Variants in FAM169A observed in about 807,000 individuals in gnomAD.
The protein encoded by FAM169A is soluble lamin-associated protein of 75 kDa.
In FAM169A, 24 loss-of-function variants were observed where a neutral mutation model predicts 75.7. That is an observed-to-expected ratio of 0.32 (90% CI 0.23 to 0.45). The LOEUF is 0.45. Ranked by LOEUF, FAM169A falls within the 20% of genes least tolerant of loss-of-function variation. The pLI is 1.00. For missense variants in FAM169A, 673 were observed against 784.0 expected (o/e 0.86, Z 1.69); for synonymous variants, 271 against 271.0 (o/e 1.00, Z 0.00).
chr5:74,849,688 T>C (rs932618527), intron 1 of FAM169A, among the ~76,000 whole-genome samples: 2 of 152,130 alleles, frequency 1.3e-5, no homozygotes, highest in African/African-American at 4.8e-5. Flanking sequence ...TTTCCTTCCC[T>C]AATTAACCTG....
At chr5:74,797,527 T>A (rs1280425025) in intron 10 of FAM169A, among the ~76,000 whole-genome samples, 7 of 152,170 alleles carry the variant, frequency 4.6e-5, no homozygotes, top group Admixed American at 4.6e-4. Context: ...CTTAGCAACA[T>A]CCCTCCTAGC....
In FAM169A at chr5:74,778,976, T is replaced by C. The variant is rs1745267400; in HGVS notation, c.*2484A>G. ...TGAAGATAAATTGTGGTATAAATTC[T>C]ATACTCAAGTTACTGAACATGAGAG... On this transcript the variant is annotated 3_prime_UTR_variant, in exon 13 of 13. Transcript: ENST00000687041. 6.6e-6 allele frequency: 1 copy of C among 152,150 alleles called. No homozygotes were observed. The highest frequency in any genetic ancestry group is 2.1e-4 in the South Asian group (1 of 4,834). The allele number at this position is 152,150 out of a possible 1,614,324, so 9.4% of individuals were successfully genotyped here. A position where few individuals can be genotyped will look rare whatever the true frequency, so the allele number is the denominator to read the frequency against.
At chr5:74,858,061 T>C (rs1304344607) in intron 1 of FAM169A, among the ~76,000 whole-genome samples, 2 of 152,016 alleles carry the variant, frequency 1.3e-5, no homozygotes, top group Non-Finnish European at 2.9e-5. Context: ...ATGTCTACAA[T>C]TTGGGTACTT....
At chr5:74,840,320 A>G (rs534870201) in intron 2 of FAM169A, 147 bp from the exon 3 acceptor site, 14 of 449,772 alleles carry the variant, frequency 3.1e-5, no homozygotes, top group African/African-American at 2.2e-4. Flanking sequence ...CTAAAAAAAG[A>G]GTAAATCAGA....
At chr5:74,821,427 C>T (rs1419087015) in intron 5 of FAM169A, among the ~76,000 whole-genome samples, 4 of 152,210 alleles carry the variant, frequency 2.6e-5, no homozygotes, top group Non-Finnish European at 5.9e-5. Context: ...TATGCCTTCT[C>T]TCCCCTTAAA....
At chr5:74,809,358 G>A (rs1473114656) in intron 6 of FAM169A, among the ~76,000 whole-genome samples, 1 of 152,162 alleles carries the variant, frequency 6.6e-6, no homozygotes, top group East Asian at 1.9e-4. Flanking sequence ...ACTTTGGGAG[G>A]CCGAGGTGGG....
At position 74,780,485 on chromosome 5, in the gene FAM169A, G is replaced by A. The variant is rs1745359525; in HGVS notation, c.*975C>T. On this transcript the variant is annotated 3_prime_UTR_variant, in exon 13 of 13. Coordinates refer to ENST00000687041, the MANE Select transcript of FAM169A (RefSeq NM_001376049.1). Reference sequence around the variant, plus strand: ...GAATATAAATAAGACTGTAGAATTAGGGAGGTGGCAAGATTTAAGGAGATG... The same window carrying A: ...GAATATAAATAAGACTGTAGAATTAAGGAGGTGGCAAGATTTAAGGAGATG... 6.6e-6 allele frequency: 1 copy of A among 152,210 alleles called. No homozygotes were observed. Among genetic ancestry groups the A allele is most frequent in the South Asian group, 2.1e-4 (1 of 4,836 alleles). 9.4% of individuals were successfully genotyped at this position (152,210 alleles called of 1,614,324 possible).
At chr5:74,785,561 A>C (rs1745654651) in intron 11 of FAM169A, among the ~76,000 whole-genome samples, 1 of 152,178 alleles carries the variant, frequency 6.6e-6, no homozygotes, top group African/African-American at 2.4e-5. Context: ...CCAGAGTTCA[A>C]GACCGGACTG....
chr5:74,815,573 AG>A (rs1747428942), intron 5 of FAM169A, among the ~76,000 whole-genome samples: 1 of 152,290 alleles, frequency 6.6e-6, no homozygotes, highest in South Asian at 2.1e-4. Context: ...ATCTTGTCAG[AG>A]GCGTTTGAAC....
chr5:74,790,768 C>T (rs1279357270), intron 11 of FAM169A, among the ~76,000 whole-genome samples: 2 of 152,244 alleles, frequency 1.3e-5, no homozygotes, highest in African/African-American at 4.8e-5. Context: ...GCTAAGGCCA[C>T]TGCTGAGTGC....
intron 1 of FAM169A, among the ~76,000 whole-genome samples, chr5:74,847,460 A>G (rs1465995716): frequency 6.6e-6 from 1 of 152,200 alleles, no homozygotes; most frequent in Admixed American, 6.5e-5. Flanking sequence ...CATGTATCAG[A>G]ATCTCAACTC....
chr5:74,815,231 C>A (rs1347372855), intron 5 of FAM169A, among the ~76,000 whole-genome samples: 2 of 150,896 alleles, frequency 1.3e-5, no homozygotes, highest in African/African-American at 4.9e-5. Context: ...CTCTTGTTGC[C>A]GAGGCTGGAG....
intron 10 of FAM169A, among the ~76,000 whole-genome samples, chr5:74,800,540 T>C (rs1746518769): frequency 6.6e-6 from 1 of 152,040 alleles, no homozygotes; most frequent in South Asian, 2.1e-4. Flanking sequence ...AGTGAGTTTA[T>C]GCCAGTCTCT....
intron 11 of FAM169A, among the ~76,000 whole-genome samples, chr5:74,795,692 A>G (rs1290781103): frequency 2.0e-5 from 3 of 152,196 alleles, no homozygotes; most frequent in Non-Finnish European, 2.9e-5. Flanking sequence ...CTGGTTCTAT[A>G]AGGTAGATCT....
Position 74,796,041 on chromosome 5 carries a change from C to G in FAM169A, c.1249G>C (p.Asp417His). The change falls in exon 11 of 13, where the codon GAT (aspartate) becomes CAT (histidine). Residue 417 changes from aspartate to histidine, a missense_variant. This residue lies in a region of FAM169A where 510 missense variants were observed against 550.9 expected (regional missense o/e 0.93). Coordinates refer to ENST00000687041, the MANE Select transcript of FAM169A (RefSeq NM_001376049.1). ...LETQPQQEKQ[D>H]GEKESELEPM... ...AAGTGATCTCATACCTTTTCACCAT[C>G]TTGCTTCTCTTGCTGTGGCTGGGTT... The G allele has an allele frequency of 6.2e-7, 1 of 1,612,774 alleles. No homozygotes were observed. Among genetic ancestry groups the G allele is most frequent in the Non-Finnish European group, 8.5e-7 (1 of 1,179,746 alleles).
At chr5:74,799,507 T>C (rs2112521964) in intron 10 of FAM169A, 1 of 1,584,720 alleles carries the variant, frequency 6.3e-7, no homozygotes, top group Non-Finnish European at 8.7e-7. Flanking sequence ...GTTTTCTTCC[T>C]ACATTAAAGA....
chr5:74,796,308 AC>A, intron 10 of FAM169A, 122 bp from the exon 11 acceptor site: 1 of 848,638 alleles, frequency 1.2e-6, no homozygotes, highest in South Asian at 2.0e-5. Context: ...TTCAGATTTT[AC>A]AAGTCTAAAA....
At chr5:74,801,157 T>A (rs1746552316) in intron 9 of FAM169A, 127 bp from the exon 10 acceptor site, 1 of 601,276 alleles carries the variant, frequency 1.7e-6, no homozygotes, top group South Asian at 4.0e-5. Context: ...AGGTTCACCC[T>A]CCCCTCACTT....
chr5:74,787,404 C>G (rs1745749291), intron 11 of FAM169A, among the ~76,000 whole-genome samples: 1 of 152,156 alleles, frequency 6.6e-6, no homozygotes, highest in Non-Finnish European at 1.5e-5. Context: ...AGGAAGAGAT[C>G]CAAAGGCTTA....
Sources: allele counts gnomAD v4.1 joint callset (sites outside exome capture counted in the v4.1 genomes callset), GRCh38; gene constraint gnomAD v4.1.1; regional missense constraint gnomAD v4.1.1; transcripts MANE v1.5; gene names NCBI Gene and HGNC (gene_info 2026-07-23, HGNC 2026-07-21).